The following MLLT3 variants were observed in gnomAD, a reference collection of about 807,000 sequenced individuals.
MLLT3 encodes protein AF-9.
MLLT3 carries 4 observed loss-of-function variants against 53.2 expected under a neutral mutation model. The ratio of observed to expected loss-of-function variants is 0.08; its 90% CI spans 0.04 to 0.17. The LOEUF (loss-of-function observed/expected upper bound fraction) is 0.17, where lower values mean the gene tolerates loss of function less well. Among genes scored for constraint, MLLT3 ranks in the 10% least tolerant of loss-of-function variants. The pLI is 1.00. For missense variants in MLLT3, 569 were observed against 684.0 expected (o/e 0.83, Z 1.87); for synonymous variants, 283 against 230.6 (o/e 1.23, Z -2.06).
At chr9:20,567,180 CAA>C (rs35890145) in intron 2 of MLLT3, among the ~76,000 whole-genome samples, 44 of 121,458 alleles carry the variant, frequency 3.6e-4, no homozygotes, top group African/African-American at 5.2e-4. Flanking sequence ...CACTCAAAGT[CAA>C]AAAAAAAAAA....
intron 5 of MLLT3, chr9:20,382,531 G>C (rs184261165): frequency 6.6e-6 from 1 of 151,916 alleles, no homozygotes; most frequent in East Asian, 1.9e-4. Context: ...AGATTAGACT[G>C]GCAGTTTAAA....
Position 20,414,022 on chromosome 9 carries a change from C to A in MLLT3, c.824G>T (p.Gly275Val), listed in dbSNP as rs1456003467. Residue 275 changes from glycine (G) to valine (V), a missense_variant, in exon 5 of 11, where the codon GGA becomes GTA. This residue lies in a region of MLLT3 where 437 missense variants were observed against 376.5 expected (regional missense o/e 1.16). Coordinates refer to ENST00000380338, the MANE Select transcript of MLLT3 (RefSeq NM_004529.4). ...PDSNLLTITS[G>V]QDKKAPSKRP... ...TTTACTAGGAGCCTTCTTATCTTGT[C>A]CACTGGTGATGGTGAGTAAGTTACT... The A allele has an allele frequency of 6.2e-7, 1 of 1,614,130 alleles. No homozygotes were observed. Among genetic ancestry groups the A allele is most frequent in the Non-Finnish European group, 8.5e-7 (1 of 1,180,024 alleles).
chr9:20,484,957 T>A (rs1824769429), intron 2 of MLLT3, among the ~76,000 whole-genome samples: 2 of 152,202 alleles, frequency 1.3e-5, no homozygotes, highest in Admixed American at 1.3e-4. Flanking sequence ...AAGTCCCCTA[T>A]TGCAAAATCT....
intron 8 of MLLT3, among the ~76,000 whole-genome samples, chr9:20,355,138 A>AAATTGAT (rs900215421): frequency 2.0e-5 from 3 of 151,522 alleles, no homozygotes; most frequent in South Asian, 4.2e-4. Flanking sequence ...GATGATAAGG[A>AAATTGAT]AATTGATCTA....
At chr9:20,349,196 A>G (rs1331158088) in intron 10 of MLLT3, among the ~76,000 whole-genome samples, 3 of 152,226 alleles carry the variant, frequency 2.0e-5, no homozygotes, top group Non-Finnish European at 2.9e-5. Flanking sequence ...CAATGGTATT[A>G]GACAGAACAT....
chr9:20,487,211 T>C (rs1314667064), intron 2 of MLLT3, among the ~76,000 whole-genome samples: 1 of 152,080 alleles, frequency 6.6e-6, no homozygotes, highest in Non-Finnish European at 1.5e-5. Flanking sequence ...ACCTCATCTT[T>C]CATTTCTTCT....
chr9:20,588,430 G>A (rs1212423439), intron 2 of MLLT3, among the ~76,000 whole-genome samples: 1 of 151,870 alleles, frequency 6.6e-6, no homozygotes, highest in Admixed American at 6.6e-5. Flanking sequence ...AATTACCTTG[G>A]GCAGTATGGC....
intron 10 of MLLT3, among the ~76,000 whole-genome samples, chr9:20,347,461 G>T (rs1009448578): frequency 6.6e-6 from 1 of 152,148 alleles, no homozygotes; most frequent in Non-Finnish European, 1.5e-5. Context: ...CCAACTTTCA[G>T]AAAAATGTTA....
chr9:20,541,458 A>T (rs1423090344), intron 2 of MLLT3, among the ~76,000 whole-genome samples: 1 of 152,262 alleles, frequency 6.6e-6, no homozygotes, highest in Non-Finnish European at 1.5e-5. Flanking sequence ...GCATGGTTGA[A>T]GAGGACTCAG....
chr9:20,358,400 G>C (rs1032092745), intron 8 of MLLT3, among the ~76,000 whole-genome samples: 4 of 152,202 alleles, frequency 2.6e-5, no homozygotes, highest in African/African-American at 9.6e-5. Context: ...ATTATTGGCA[G>C]ACTGATGATT....
chr9:20,547,502 G>A (rs1205059599), intron 2 of MLLT3, among the ~76,000 whole-genome samples: 1 of 151,894 alleles, frequency 6.6e-6, no homozygotes, highest in Admixed American at 6.6e-5. Flanking sequence ...AAAATTAACT[G>A]GGTGTGGTGG....
At chr9:20,567,590 GA>G (rs1360147990) in intron 2 of MLLT3, among the ~76,000 whole-genome samples, 1 of 152,092 alleles carries the variant, frequency 6.6e-6, no homozygotes, top group African/African-American at 2.4e-5. Context: ...AGGGTTCCAA[GA>G]AAGCGTAACT....
chr9:20,555,316 AC>A (rs1819029730), intron 2 of MLLT3, among the ~76,000 whole-genome samples: 1 of 151,996 alleles, frequency 6.6e-6, no homozygotes, highest in African/African-American at 2.4e-5. Context: ...TAGAGCTGAA[AC>A]TGAGTTCTAT....
At chr9:20,404,056 A>C (rs147104044) in intron 5 of MLLT3, among the ~76,000 whole-genome samples, 1 of 152,248 alleles carries the variant, frequency 6.6e-6, no homozygotes, top group East Asian at 1.9e-4. Flanking sequence ...CCTAGACTCA[A>C]GTTATCCACT....
chr9:20,388,033 C>A (rs1015843144), intron 5 of MLLT3, among the ~76,000 whole-genome samples: 2 of 152,076 alleles, frequency 1.3e-5, no homozygotes, highest in African/African-American at 4.8e-5. Context: ...TGCTTTATGG[C>A]CAATTTGATG....
At chr9:20,595,154 C>G (rs539168135) in intron 2 of MLLT3, among the ~76,000 whole-genome samples, 1 of 151,988 alleles carries the variant, frequency 6.6e-6, no homozygotes. Flanking sequence ...CCAAGGAGTT[C>G]AAGACCAGCC....
intron 4 of MLLT3, among the ~76,000 whole-genome samples, chr9:20,424,503 G>C (rs1371108178): frequency 6.6e-6 from 1 of 152,228 alleles, no homozygotes; most frequent in South Asian, 2.1e-4. Context: ...CCTCCAAAAA[G>C]GATGAGGCGG....
chr9:20,483,565 T>G (rs1824722034), intron 2 of MLLT3, among the ~76,000 whole-genome samples: 1 of 151,812 alleles, frequency 6.6e-6, no homozygotes, highest in African/African-American at 2.4e-5. Context: ...AGAAAATATG[T>G]GCACCTAATT....
intron 2 of MLLT3, among the ~76,000 whole-genome samples, chr9:20,565,430 G>C (rs1363791792): frequency 6.6e-6 from 1 of 152,076 alleles, no homozygotes; most frequent in Non-Finnish European, 1.5e-5. Flanking sequence ...AAAACTTCTA[G>C]AGTAGCCCAG....
Sources: gnomAD v4.1 joint callset for allele counts (sites outside exome capture counted in the v4.1 genomes callset) on GRCh38, gnomAD v4.1.1 for gene constraint, gnomAD v4.1.1 regional missense constraint, MANE v1.5 for transcripts, NCBI Gene and HGNC (gene_info 2026-07-23, HGNC 2026-07-21) for gene names.